Variants in GRIP1 observed in about 807,000 individuals in gnomAD.
The protein encoded by GRIP1 is glutamate receptor-interacting protein 1.
In GRIP1, 45 loss-of-function variants were observed where a neutral mutation model predicts 129.9. That is an observed-to-expected ratio of 0.35 (90% confidence interval 0.27 to 0.44). The LOEUF (loss-of-function observed/expected upper bound fraction) is 0.44, where lower values mean the gene tolerates loss of function less well. Among genes scored for constraint, GRIP1 ranks in the 20% least tolerant of loss-of-function variants. GRIP1 has a pLI of 1.00. For synonymous variants in GRIP1, 530 were observed against 520.8 expected, an observed-to-expected ratio of 1.02 and a Z score of -0.24; for missense variants, 1,196 against 1,396.8, an observed-to-expected ratio of 0.86 and a Z score of 2.29.
chr12:66,682,175 A>G (rs148901859), upstream of GRIP1, among the ~76,000 whole-genome samples: 2 of 152,314 alleles, frequency 1.3e-5, no homozygotes, highest in Non-Finnish European at 2.9e-5. Context: ...TTCAATTAAC[A>G]AAGTACCTTT....
intron 1 of GRIP1, among the ~76,000 whole-genome samples, chr12:67,009,688 C>T (rs2042677420): frequency 6.6e-6 from 1 of 152,140 alleles, no homozygotes; most frequent in South Asian, 2.1e-4. Flanking sequence ...TAGACTACAA[C>T]CTGTTAATCC....
intron 1 of GRIP1, among the ~76,000 whole-genome samples, chr12:67,028,537 A>T (rs2042972494): frequency 6.6e-6 from 1 of 152,210 alleles, no homozygotes; most frequent in Non-Finnish European, 1.5e-5. Context: ...TATTTAGTAT[A>T]ATGCAGAATA....
At chr12:66,430,576 A>C (rs1592848180) in intron 14 of GRIP1, among the ~76,000 whole-genome samples, 2 of 152,200 alleles carry the variant, frequency 1.3e-5, no homozygotes, top group East Asian at 3.8e-4. Context: ...GATAAAACAA[A>C]TATTTTGTAG....
chr12:66,455,387 C>A lies in GRIP1; in HGVS notation c.1354+22G>T, dbSNP rs757850971. ...CACAGGTTTTTTCCAGGCCAAATGC[C>A]ATTGGCTGTCATTTCACTTACATGA... On this transcript the variant is annotated intron_variant, in intron 11 of 24. Coordinates refer to ENST00000359742, the MANE Select transcript of GRIP1 (RefSeq NM_001366722.1). The A allele has an allele frequency of 3.1e-6, 5 of 1,612,410 alleles. No individual in the cohort carries two copies. The Admixed American group carries it at 6.7e-5, about 21-fold the overall frequency.
At chr12:66,798,389 G>C (rs1401287138) in intron 1 of GRIP1, among the ~76,000 whole-genome samples, 4 of 152,066 alleles carry the variant, frequency 2.6e-5, no homozygotes, top group Non-Finnish European at 5.9e-5. Flanking sequence ...ATGTTTATTT[G>C]GGTCAAGATA....
intron 1 of GRIP1, among the ~76,000 whole-genome samples, chr12:66,846,585 A>T (rs563016823): frequency 1.3e-5 from 2 of 152,328 alleles, no homozygotes; most frequent in South Asian, 4.1e-4. Context: ...AAAATAGTTC[A>T]TTTTGGAGGC....
At chr12:67,064,996 T>C (rs2043599380) in intron 1 of GRIP1, 1 of 147,642 alleles carries the variant, frequency 6.8e-6, no homozygotes, top group Non-Finnish European at 1.5e-5. Context: ...AGTGAGAATA[T>C]GCGGTGTTTG....
In GRIP1 at chr12:66,619,296, G is replaced by T. The variant is rs1337032100; in HGVS notation, c.56-22369C>A. ...GCCTATAAAAGGTACTTTTGGATGGGCACATTATGTTCATAATTCATAATT... is the reference window on the plus strand; with the variant it reads ...GCCTATAAAAGGTACTTTTGGATGGTCACATTATGTTCATAATTCATAATT... On this transcript the variant is annotated intron_variant, in intron 1 of 24. Coordinates refer to ENST00000359742, the MANE Select transcript of GRIP1 (RefSeq NM_001366722.1). 2.0e-5 allele frequency among the ~76,000 whole-genome samples: 3 copies of T among 152,154 alleles called. 1 individual carries two copies. Among genetic ancestry groups the T allele is most frequent in the South Asian group, 4.1e-4 (2 of 4,820 alleles).
At chr12:67,018,760 G>A (rs1396984382) in intron 1 of GRIP1, among the ~76,000 whole-genome samples, 1 of 152,162 alleles carries the variant, frequency 6.6e-6, no homozygotes. Context: ...GTCTCAGCCA[G>A]TCAGCTCCAT....
chr12:66,800,204 T>A (rs1404482890), intron 1 of GRIP1, among the ~76,000 whole-genome samples: 1 of 152,158 alleles, frequency 6.6e-6, no homozygotes, highest in Non-Finnish European at 1.5e-5. Context: ...TGTTCCTCCC[T>A]CTCTCCAGTT....
At chr12:66,641,190 A>G (rs2031892501) in intron 1 of GRIP1, among the ~76,000 whole-genome samples, 1 of 152,174 alleles carries the variant, frequency 6.6e-6, no homozygotes, top group South Asian at 2.1e-4. Context: ...AAATGGTAGT[A>G]ACTGAGACAC....
At chr12:66,454,236 C>T (rs1450628004) in intron 11 of GRIP1, among the ~76,000 whole-genome samples, 5 of 152,190 alleles carry the variant, frequency 3.3e-5, no homozygotes, top group Admixed American at 6.5e-5. Context: ...GAGAGAGATC[C>T]TCCTGGGGAG....
intron 1 of GRIP1, among the ~76,000 whole-genome samples, chr12:66,915,955 A>C (rs908752335): frequency 6.6e-6 from 1 of 152,208 alleles, no homozygotes; most frequent in African/African-American, 2.4e-5. Context: ...TGAGAAACTC[A>C]TCATGCCAGA....
intron 1 of GRIP1, among the ~76,000 whole-genome samples, chr12:66,601,388 C>T (rs569936969): frequency 1.3e-5 from 2 of 152,174 alleles, no homozygotes; most frequent in African/African-American, 4.8e-5. Context: ...AATCCTCCAA[C>T]GTTTGCTTGG....
At chr12:66,805,346 CTCTAAAG>C (rs540734175), upstream of GRIP1, among the ~76,000 whole-genome samples, 85 of 152,218 alleles carry the variant, frequency 5.6e-4, no homozygotes, top group African/African-American at 2.0e-3. Context: ...GAGAGAGGTA[CTCTAAAG>C]TCTAGAGAGG....
At chr12:66,749,413 T>C (rs1352740360) in intron 1 of GRIP1, among the ~76,000 whole-genome samples, 1 of 152,222 alleles carries the variant, frequency 6.6e-6, no homozygotes, top group Non-Finnish European at 1.5e-5. Flanking sequence ...CTCAGCTGTG[T>C]ACCATGCAAT....
rs71096099 is a variant in GRIP1 at position 66,401,609 on chromosome 12, T to TAC, written c.1984+4672_1984+4673dup. On this transcript the variant is annotated intron_variant, in intron 16 of 24. Coordinates refer to ENST00000359742, the MANE Select transcript of GRIP1 (RefSeq NM_001366722.1). ...AAAAAAATATGTGTGTATATATATA[T>TAC]ACACACACACACACACACACACACA... 2.2e-3 allele frequency among the ~76,000 whole-genome samples: 239 copies of TAC among 109,724 alleles called. 5 individuals carry two copies. The highest frequency in any genetic ancestry group is 5.5e-3 in the African/African-American group (146 of 26,654). The allele number at this position is 109,724 out of a possible 152,430, so 72.0% of individuals were successfully genotyped here. A position where few individuals can be genotyped will look rare whatever the true frequency, so the allele number is the denominator to read the frequency against.
chr12:66,661,538 A>C (rs888048269), intron 1 of GRIP1, among the ~76,000 whole-genome samples: 4 of 151,750 alleles, frequency 2.6e-5, no homozygotes, highest in Non-Finnish European at 5.9e-5. Context: ...GACTTGGGGG[A>C]AGTCCTGTCT....
At chr12:66,595,698 A>G (rs1186390232) in intron 2 of GRIP1, among the ~76,000 whole-genome samples, 12 of 152,248 alleles carry the variant, frequency 7.9e-5, no homozygotes, top group Admixed American at 7.2e-4. Context: ...GGGTGATGCC[A>G]TCTAATTGTA....
Sources: allele counts gnomAD v4.1 joint callset (sites outside exome capture counted in the v4.1 genomes callset), GRCh38; gene constraint gnomAD v4.1.1; transcripts MANE v1.5; gene names NCBI Gene and HGNC (gene_info 2026-07-23, HGNC 2026-07-21).